The following CRYBG3 variants were observed in gnomAD, a reference collection of about 807,000 sequenced individuals.
The protein encoded by CRYBG3 is crystallin beta-gamma domain containing 3, also known as very large A-kinase anchor protein.
In CRYBG3, 127 loss-of-function variants were observed where a neutral mutation model predicts 244.2. The observed-to-expected ratio is 0.52, with a 90% CI of 0.45 to 0.60. The LOEUF is 0.60. Among genes scored for constraint, CRYBG3 ranks in the 20% least tolerant of loss-of-function variants. The pLI is 0.00. For missense variants in CRYBG3, 3,325 were observed against 3,442.5 expected (o/e 0.97, Z 0.85); for synonymous variants, 1,132 against 1,195.8 (o/e 0.95, Z 1.10).
In CRYBG3 at chr3:97,872,527, A is replaced by T; in HGVS notation, c.1333A>T (p.Ser445Cys). 5 of 1,535,942 alleles carry T rather than the reference A, an allele frequency of 3.3e-6. No homozygotes were observed. The highest frequency in any genetic ancestry group is 4.4e-6 in the Non-Finnish European group (5 of 1,146,768). Residue 445 changes from serine (S) to cysteine (C), a missense_variant, in exon 4 of 22, where the codon AGT (serine) becomes TGT (cysteine). By Grantham distance (112) the Ser-to-Cys change is moderately radical (BLOSUM62 -1). Around this residue, in one of 4 missense-constraint regions of CRYBG3, gnomAD observed 1,526 missense variants for 1,443.2 expected, o/e 1.06. Transcript: ENST00000389622. ...TTTCTCTTGTAGTAAATCTGATGGG[A>T]GTGACACTACTGAGCAGGAAAGTAC... ...SDFSCSKSDG[S>C]DTTEQESTNL... is the part of the protein sequence containing the mutation.
chr3:97,940,155 G>C (rs867707227), intron 19 of CRYBG3, among the ~76,000 whole-genome samples: 1 of 151,988 alleles, frequency 6.6e-6, no homozygotes, highest in Non-Finnish European at 1.5e-5. Flanking sequence ...ATTACATTAA[G>C]GCTGGAGGCC....
intron 1 of CRYBG3, among the ~76,000 whole-genome samples, chr3:97,841,501 A>G (rs1255203552): frequency 1.3e-5 from 2 of 151,416 alleles, no homozygotes; most frequent in African/African-American, 2.4e-5. Flanking sequence ...TTTTGTTTCC[A>G]TTTTTTGACC....
chr3:97,892,441 T>C (rs1385679040), intron 10 of CRYBG3, among the ~76,000 whole-genome samples: 1 of 152,190 alleles, frequency 6.6e-6, no homozygotes, highest in Non-Finnish European at 1.5e-5. Context: ...TACCTATATG[T>C]AAACTGCTGA....
chr3:97,926,230 T>C (rs1401815386), intron 17 of CRYBG3, among the ~76,000 whole-genome samples: 1 of 152,078 alleles, frequency 6.6e-6, no homozygotes, highest in African/African-American at 2.4e-5. Context: ...CACAATCAAG[T>C]AGGCTTTATT....
intron 1 of CRYBG3, among the ~76,000 whole-genome samples, chr3:97,839,355 A>G (rs1274542040): frequency 6.6e-6 from 1 of 151,918 alleles, no homozygotes; most frequent in Non-Finnish European, 1.5e-5. Flanking sequence ...CTGAGTATTC[A>G]CTGTTTTTGA....
chr3:97,828,144 A>G (rs2038602771), intron 1 of CRYBG3, among the ~76,000 whole-genome samples: 1 of 152,206 alleles, frequency 6.6e-6, no homozygotes, highest in African/African-American at 2.4e-5. Context: ...TATTCTACCT[A>G]TTTGATAAGC....
intron 17 of CRYBG3, among the ~76,000 whole-genome samples, chr3:97,930,070 A>G (rs553468262): frequency 6.6e-6 from 1 of 152,210 alleles, no homozygotes; most frequent in South Asian, 2.1e-4. Context: ...AATGCTTAGC[A>G]TTTAAATTAC....
chr3:97,843,303 C>T (rs2038847982), intron 2 of CRYBG3, 42 bp downstream of exon 2: 7 of 885,428 alleles, frequency 7.9e-6, no homozygotes, highest in Non-Finnish European at 1.2e-5. Flanking sequence ...AAGCAAATAT[C>T]TTAAATTGCT....
intron 12 of CRYBG3, among the ~76,000 whole-genome samples, chr3:97,896,575 G>A (rs971269474): frequency 6.6e-6 from 1 of 152,174 alleles, no homozygotes; most frequent in African/African-American, 2.4e-5. Flanking sequence ...TAGAAACAGG[G>A]TGAAGGAAAA....
intron 1 of CRYBG3, among the ~76,000 whole-genome samples, chr3:97,824,431 C>T (rs1002629726): frequency 3.3e-5 from 5 of 152,134 alleles, no homozygotes; most frequent in African/African-American, 7.2e-5. Flanking sequence ...AATTATGAGA[C>T]CCGTAAAAGT....
chr3:97,906,937 T>C lies in CRYBG3; in HGVS notation c.8005-5230T>C, dbSNP rs1287764430. 2.7e-5 allele frequency among the ~76,000 whole-genome samples: 4 copies of C among 149,068 alleles called. No homozygotes were observed. The East Asian group carries it at 6.0e-4, about 22-fold the overall frequency. On this transcript the variant is annotated intron_variant, in intron 15 of 21. Transcript: ENST00000389622. ...TACGTCCCATCAATACCTAATTTAT[T>C]GAGAGTTTTTAGCATGAAGGGTTGT... is the stretch of plus-strand genomic sequence containing the variant.
Position 97,909,332 on chromosome 3 carries a change from C to CT in CRYBG3, c.8005-2834dup, listed in dbSNP as rs2039832575. Among the ~76,000 whole-genome samples the CT allele has an allele frequency of 2.7e-5, 4 of 148,762 alleles. No homozygotes were observed. In the South Asian group the frequency reaches 8.8e-4, roughly 33 times the overall value. ...TGGGGAAGTTCTCCTGGATAATATC[C>CT]TGCAGAGTGTTTTCCAACTTGGTTC... On this transcript the variant is annotated intron_variant, in intron 15 of 21. Coordinates refer to ENST00000389622, the MANE Select transcript of CRYBG3 (RefSeq NM_153605.4).
At chr3:97,931,143 C>T (rs2040092983) in intron 17 of CRYBG3, among the ~76,000 whole-genome samples, 1 of 152,082 alleles carries the variant, frequency 6.6e-6, no homozygotes, top group South Asian at 2.1e-4. Flanking sequence ...ACCTTTATAG[C>T]CTGTACAGTT....
chr3:97,833,525 A>G (rs1366519866), intron 1 of CRYBG3, among the ~76,000 whole-genome samples: 1 of 152,122 alleles, frequency 6.6e-6, no homozygotes, highest in African/African-American at 2.4e-5. Context: ...GAACACATGG[A>G]CACAGGGAGG....
chr3:97,873,397 GTTCT>G lies in CRYBG3; in HGVS notation c.2208_2211del (p.Ser737IlefsTer18). Reference sequence around the variant, plus strand: ...ATCTGCAATTTTTGAATTCAAAGAAGTTCTTTCTAATAGTGAAAAATGCCAGGTT... The same window carrying G: ...ATCTGCAATTTTTGAATTCAAAGAAGTTCTAATAGTGAAAAATGCCAGGTT... On this transcript the variant is annotated frameshift_variant, in exon 4 of 22. Coordinates refer to ENST00000389622, the MANE Select transcript of CRYBG3 (RefSeq NM_153605.4). LOFTEE classifies it high-confidence loss of function. 2 of 1,535,810 alleles carry G rather than the reference GTTCT, an allele frequency of 1.3e-6. No individual in the cohort carries two copies. Among genetic ancestry groups the G allele is most frequent in the Non-Finnish European group, 8.7e-7 (1 of 1,146,804 alleles).
intron 15 of CRYBG3, among the ~76,000 whole-genome samples, chr3:97,903,951 G>A (rs2039734451): frequency 6.6e-6 from 1 of 152,126 alleles, no homozygotes; most frequent in Non-Finnish European, 1.5e-5. Context: ...GGCACAGAAG[G>A]ATGGGTGTAG....
At chr3:97,891,935 C>G (rs184787710) in intron 10 of CRYBG3, among the ~76,000 whole-genome samples, 13 of 152,256 alleles carry the variant, frequency 8.5e-5, no homozygotes, top group Non-Finnish European at 1.2e-4. Context: ...ATCCAGAAAA[C>G]CAACAAGCAA....
intron 1 of CRYBG3, among the ~76,000 whole-genome samples, chr3:97,826,070 A>C (rs549275195): frequency 5.9e-4 from 90 of 152,312 alleles, no homozygotes; most frequent in African/African-American, 2.0e-3. Flanking sequence ...GAATTCCAGA[A>C]GTCTTTAGGG....
At position 97,875,039 on chromosome 3, in the gene CRYBG3, C is replaced by A. The variant is rs1169242921; in HGVS notation, c.3845C>A (p.Thr1282Lys). 6.5e-7 allele frequency: 1 copy of A among 1,534,816 alleles called. No homozygotes were observed. The highest frequency in any genetic ancestry group is 1.4e-5 in the African/African-American group (1 of 72,914). ...EVKEKPCVSP[T>K]VGEKNLLVDP... ...AAAGAGAAGCCCTGTGTTTCACCAA[C>A]AGTTGGTGAGAAGAATCTTCTTGTT... is the stretch of plus-strand genomic sequence containing the variant. The change falls in exon 4 of 22, where the codon ACA (threonine) becomes AAA (lysine). Residue 1282 changes from threonine to lysine, a missense_variant. Transcript: ENST00000389622.
Sources: allele counts gnomAD v4.1 joint callset (sites outside exome capture counted in the v4.1 genomes callset), GRCh38; gene constraint gnomAD v4.1.1; regional missense constraint gnomAD v4.1.1; transcripts MANE v1.5; gene names NCBI Gene and HGNC (gene_info 2026-07-23, HGNC 2026-07-21).